The following VRTN variants were observed in gnomAD, a reference collection of about 807,000 sequenced individuals.
VRTN encodes the protein vertnin.
Under a neutral mutation model 18.2 loss-of-function variants are expected in VRTN, and 5 were observed. The observed-to-expected ratio is 0.27, with a 90% CI of 0.14 to 0.58. The LOEUF is 0.58. VRTN is among the 20% of genes least tolerant of loss of function. VRTN has a pLI of 0.91. For missense variants in VRTN, 741 were observed against 939.4 expected, an observed-to-expected ratio of 0.79 and a Z score of 2.76; for synonymous variants, 381 against 393.7, an observed-to-expected ratio of 0.97 and a Z score of 0.38.
chr14:74,353,594 T>C (rs1403132918), intron 1 of VRTN, among the ~76,000 whole-genome samples: 1 of 152,232 alleles, frequency 6.6e-6, no homozygotes, highest in Non-Finnish European at 1.5e-5. Flanking sequence ...GAAAACCTTT[T>C]GTTTATATAG....
At chr14:74,318,193 T>A (rs756153417) in intron 1 of VRTN, among the ~76,000 whole-genome samples, 1 of 151,832 alleles carries the variant, frequency 6.6e-6, no homozygotes, top group Non-Finnish European at 1.5e-5. Context: ...CATCTCCACC[T>A]CCCAGGTTCA....
intron 1 of VRTN, among the ~76,000 whole-genome samples, chr14:74,320,801 A>T (rs2085451048): frequency 7.5e-6 from 1 of 133,668 alleles, no homozygotes. Context: ...TTGGTCAGGC[A>T]GGTCTGGACC....
Position 74,358,769 on chromosome 14 carries a change from C to T in VRTN, c.1986C>T (p.Arg662=), listed in dbSNP as rs1436298520. Residue 662 remains arginine, a synonymous_variant, in exon 2 of 2, where the codon CGC becomes CGT. Coordinates refer to ENST00000256362, the MANE Select transcript of VRTN (RefSeq NM_018228.3). The surrounding 1 kb of genome is among the most constrained non-coding windows in gnomAD (Gnocchi z 5.4). ...KAQAKLFLQK[R]FQSKSFPSYK... ...AGGCCAAGCTGTTCTTGCAGAAGCG[C>T]TTCCAGTCCAAGAGCTTTCCCTCCT... The T allele has an allele frequency of 6.2e-7, 1 of 1,614,136 alleles. No homozygotes were observed. Among genetic ancestry groups the T allele is most frequent in the African/African-American group, 1.3e-5 (1 of 74,954 alleles).
At chr14:74,309,183 C>G (rs1421089805) in intron 1 of VRTN, among the ~76,000 whole-genome samples, 1 of 152,094 alleles carries the variant, frequency 6.6e-6, no homozygotes, top group Non-Finnish European at 1.5e-5. Flanking sequence ...CCACAGCACC[C>G]CACTTTTTCC....
At chr14:74,335,740 A>ATTT (rs113250765) in intron 1 of VRTN, among the ~76,000 whole-genome samples, 2 of 132,312 alleles carry the variant, frequency 1.5e-5, no homozygotes, top group Non-Finnish European at 3.3e-5. Context: ...CAGATGTTCT[A>ATTT]TTTTTTTTTT....
chr14:74,319,080 T>C (rs1174821801), intron 1 of VRTN, among the ~76,000 whole-genome samples: 2 of 151,572 alleles, frequency 1.3e-5, no homozygotes, highest in African/African-American at 4.9e-5. Flanking sequence ...CAGACTGGAG[T>C]GCAGTGGCTC....
At chr14:74,330,199 C>T (rs2085512654) in intron 1 of VRTN, among the ~76,000 whole-genome samples, 1 of 151,868 alleles carries the variant, frequency 6.6e-6, no homozygotes, top group African/African-American at 2.4e-5. Context: ...TAAATCTCCC[C>T]AGGTGTTTCC....
At chr14:74,333,855 A>AT (rs1555411206) in intron 1 of VRTN, among the ~76,000 whole-genome samples, 106 of 146,130 alleles carry the variant, frequency 7.3e-4, no homozygotes, top group African/African-American at 2.8e-3. Context: ...AAAATAAATA[A>AT]AAATAAATAA....
intron 1 of VRTN, among the ~76,000 whole-genome samples, chr14:74,313,512 G>A (rs1248050423): frequency 6.6e-6 from 1 of 152,166 alleles, no homozygotes; most frequent in East Asian, 1.9e-4. Context: ...CTGGTTCAAA[G>A]GACGGTGACA....
chr14:74,340,143 G>A lies in VRTN; in HGVS notation c.-2+2259G>A, dbSNP rs1175248446. ...TTTTTTTTTTTTGAGACGGAGTTTT[G>A]CTCTTGTTGCCCAGGCTGGAGTGCA... On this transcript the variant is annotated intron_variant, in intron 2 of 2. Transcript: ENST00000557177. Among the ~76,000 whole-genome samples, 22 of 94,978 alleles carry A rather than the reference G, an allele frequency of 2.3e-4. 1 individual carries two copies. In the Middle Eastern group the frequency reaches 0.074, roughly 320 times the overall value. The allele number at this position is 94,978 out of a possible 152,430, so 62.3% of individuals were successfully genotyped here.
intron 1 of VRTN, among the ~76,000 whole-genome samples, chr14:74,335,434 G>T (rs1443391965): frequency 6.6e-6 from 1 of 152,090 alleles, no homozygotes; most frequent in Middle Eastern, 3.2e-3. Context: ...TCTCTGATTG[G>T]CTAGTTTGAT....
chr14:74,322,230 C>T (rs1401474107), intron 1 of VRTN, among the ~76,000 whole-genome samples: 1 of 151,948 alleles, frequency 6.6e-6, no homozygotes, highest in African/African-American at 2.4e-5. Flanking sequence ...TCACTGTAAC[C>T]TCTTGCCTCC....
At chr14:74,339,720 G>A (rs112729808) in intron 2 of VRTN, among the ~76,000 whole-genome samples, 2,025 of 152,146 alleles carry the variant, frequency 0.013, 29 homozygotes, top group Non-Finnish European at 0.019. Context: ...AGGCTGAGGC[G>A]GGAGGATCGA....
chr14:74,318,710 C>CCT (rs2085434004), intron 1 of VRTN, among the ~76,000 whole-genome samples: 1 of 123,578 alleles, frequency 8.1e-6, no homozygotes, highest in Non-Finnish European at 1.6e-5. Context: ...CCGTGTCCGG[C>CCT]CTTTTTTTTT....
chr14:74,314,002 A>T (rs924862281), intron 1 of VRTN, among the ~76,000 whole-genome samples: 1 of 152,206 alleles, frequency 6.6e-6, no homozygotes, highest in African/African-American at 2.4e-5. Flanking sequence ...CCAACCATAG[A>T]GTAATCTTAG....
upstream of VRTN, among the ~76,000 whole-genome samples, chr14:74,344,525 G>A (rs1295571338): frequency 6.6e-6 from 1 of 151,094 alleles, no homozygotes; most frequent in Non-Finnish European, 1.5e-5. Flanking sequence ...TTGAGGTCAG[G>A]AGTTCGAAAC....
intron 1 of VRTN, among the ~76,000 whole-genome samples, chr14:74,317,806 G>GAAAAGCAA (rs2085427154): frequency 6.7e-6 from 1 of 148,562 alleles, no homozygotes; most frequent in South Asian, 2.2e-4. Flanking sequence ...TGTCTCCAAA[G>GAAAAGCAA]AAAAACAAAA....
chr14:74,351,506 T>G (rs1475153284), intron 1 of VRTN, among the ~76,000 whole-genome samples: 8 of 149,292 alleles, frequency 5.4e-5, no homozygotes, highest in Admixed American at 2.7e-4. Context: ...TTTTTTTTTT[T>G]TTTTTTTTTT....
At chr14:74,320,895 CT>C (rs1383664159) in intron 1 of VRTN, among the ~76,000 whole-genome samples, 2 of 106,518 alleles carry the variant, frequency 1.9e-5, no homozygotes, top group African/African-American at 8.0e-5. Context: ...GATCCCATCT[CT>C]TTAAAAAAAA....
Sources: allele counts gnomAD v4.1 joint callset (sites outside exome capture counted in the v4.1 genomes callset), GRCh38; gene constraint gnomAD v4.1.1; non-coding constraint Gnocchi (gnomAD v3.1); transcripts MANE v1.5; gene names NCBI Gene and HGNC (gene_info 2026-07-23, HGNC 2026-07-21).